ZNF536: variants seen among roughly 807,000 people sequenced by gnomAD.
The protein encoded by ZNF536 is zinc finger protein 536.
Under a neutral mutation model 84.5 loss-of-function variants are expected in ZNF536, and 13 were observed. The ratio of observed to expected loss-of-function variants is 0.15; its 90% CI spans 0.10 to 0.24. The LOEUF (loss-of-function observed/expected upper bound fraction) is 0.24. Ranked by LOEUF, ZNF536 falls within the 10% of genes least tolerant of loss-of-function variation. The pLI is 1.00. For synonymous variants in ZNF536, 811 were observed against 742.5 expected, an observed-to-expected ratio of 1.09 and a Z score of -1.50; for missense variants, 1,536 against 1,747.5, an observed-to-expected ratio of 0.88 and a Z score of 2.16.
intron 1 of ZNF536, among the ~76,000 whole-genome samples, chr19:30,606,262 AAAATAAAATAAAATAAAATAAAATAAAAT>A (rs1157757238): frequency 0.028 from 424 of 14,930 alleles, 10 homozygotes; most frequent in Middle Eastern, 0.065. Flanking sequence ...TAAATAAAAT[AAAATAAAATAAAATAAAATAAAATAAAAT>A]AAATAAAATA....
At chr19:30,461,774 G>A (rs1175763212) in intron 2 of ZNF536, among the ~76,000 whole-genome samples, 1 of 152,200 alleles carries the variant, frequency 6.6e-6, no homozygotes. Context: ...CTTCATGAGT[G>A]TCCTTTACAT....
At chr19:30,371,228 G>A (rs528521113), upstream of ZNF536, among the ~76,000 whole-genome samples, 3 of 152,224 alleles carry the variant, frequency 2.0e-5, no homozygotes, top group African/African-American at 7.2e-5. Context: ...AAATATTAAC[G>A]CTGTATTGGG....
intron 1 of ZNF536, among the ~76,000 whole-genome samples, chr19:30,424,008 C>T (rs984902020): frequency 4.6e-5 from 7 of 152,070 alleles, no homozygotes; most frequent in Admixed American, 1.3e-4. Context: ...CCTACAGTCC[C>T]GGGTGCTTTG....
At chr19:30,488,084 A>G (rs1385510731) in intron 2 of ZNF536, among the ~76,000 whole-genome samples, 1 of 152,120 alleles carries the variant, frequency 6.6e-6, no homozygotes, top group Non-Finnish European at 1.5e-5. Context: ...GGTACCACTT[A>G]TCTGTCTGCT....
chr19:30,570,266 C>T (rs527567436), intron 1 of ZNF536, among the ~76,000 whole-genome samples: 2 of 152,170 alleles, frequency 1.3e-5, no homozygotes, highest in Non-Finnish European at 2.9e-5. Flanking sequence ...CATCCTGTCA[C>T]CTTCAGACCT....
At chr19:30,460,371 G>A (rs3786814) in intron 2 of ZNF536, among the ~76,000 whole-genome samples, 17,923 of 152,138 alleles carry the variant, frequency 0.12, 1,359 homozygotes, top group South Asian at 0.18. Flanking sequence ...AAATGTCACC[G>A]CTCCGAGGTT....
intron 2 of ZNF536, among the ~76,000 whole-genome samples, chr19:30,337,609 T>G (rs897806649): frequency 6.6e-6 from 1 of 152,034 alleles, no homozygotes; most frequent in Non-Finnish European, 1.5e-5. Flanking sequence ...TCACAGCCCA[T>G]GGTGGGTCCC....
At chr19:30,454,364 G>A (rs560202372) in intron 2 of ZNF536, among the ~76,000 whole-genome samples, 77 of 152,302 alleles carry the variant, frequency 5.1e-4, no homozygotes, top group African/African-American at 1.4e-3. Flanking sequence ...GGTGGTCATC[G>A]TGGCTTTTGG....
chr19:30,591,791 A>G (rs1323806354), intron 1 of ZNF536, among the ~76,000 whole-genome samples: 2 of 152,176 alleles, frequency 1.3e-5, no homozygotes, highest in African/African-American at 2.4e-5. Context: ...GACAAGAGAA[A>G]CACATCCCTT....
At chr19:30,640,699 T>C (rs2049238534) in intron 1 of ZNF536, among the ~76,000 whole-genome samples, 1 of 152,246 alleles carries the variant, frequency 6.6e-6, no homozygotes, top group Non-Finnish European at 1.5e-5. Context: ...AGGCACTCCA[T>C]ATCCTATATG....
intron 1 of ZNF536, among the ~76,000 whole-genome samples, chr19:30,433,787 A>G (rs2051588755): frequency 6.6e-6 from 1 of 152,066 alleles, no homozygotes; most frequent in Non-Finnish European, 1.5e-5. Flanking sequence ...GTGAGCCACC[A>G]TGCCTGGCCA....
Position 30,548,327 on chromosome 19 carries a change from C to T in ZNF536, c.2708C>T (p.Ala903Val), listed in dbSNP as rs1388748168. The change falls in exon 4 of 5, where the codon GCT becomes GTT. Residue 903 changes from alanine (A) to valine (V), a missense_variant. This residue lies in a region of ZNF536 where 624 missense variants were observed against 603.1 expected (regional missense o/e 1.03). Transcript: ENST00000355537. ...KSTHFSEIGRAYQSIVSNGVN... is the reference protein window; with the variant it reads ...KSTHFSEIGRVYQSIVSNGVN... ...ACCCACTTCTCTGAGATCGGAAGAG[C>T]TTATCAAAGCATTGTGAGCAACGGT... 6.2e-7 allele frequency: 1 copy of T among 1,614,090 alleles called. No individual in the cohort carries two copies. The highest frequency in any genetic ancestry group is 8.5e-7 in the Non-Finnish European group (1 of 1,180,046).
chr19:30,617,184 G>A (rs1378853957), intron 1 of ZNF536, among the ~76,000 whole-genome samples: 1 of 150,160 alleles, frequency 6.7e-6, no homozygotes. Flanking sequence ...TTGGTTACAT[G>A]GGTAAGTTCT....
At chr19:30,522,058 C>T (rs937206010) in intron 2 of ZNF536, among the ~76,000 whole-genome samples, 1 of 151,454 alleles carries the variant, frequency 6.6e-6, no homozygotes. Context: ...GAGGGCCATT[C>T]GCAGGGCACC....
chr19:30,304,708 C>T (rs1283727684), intron 2 of ZNF536, among the ~76,000 whole-genome samples: 2 of 152,118 alleles, frequency 1.3e-5, no homozygotes, highest in Non-Finnish European at 2.9e-5. Context: ...AGGAGGAAAG[C>T]GGTGAGGGGA....
chr19:30,402,822 T>TATATATATAA (rs1331644147), intron 1 of ZNF536, among the ~76,000 whole-genome samples: 1 of 142,554 alleles, frequency 7.0e-6, no homozygotes, highest in Non-Finnish European at 1.6e-5. Context: ...TATATATATA[T>TATATATATAA]AATTTTCAAA....
intron 1 of ZNF536, among the ~76,000 whole-genome samples, chr19:30,696,620 G>T (rs1185042343): frequency 1.3e-5 from 2 of 152,186 alleles, no homozygotes; most frequent in Non-Finnish European, 2.9e-5. Context: ...GAGGAGCCTG[G>T]GTAAGCAAAT....
chr19:30,225,738 G>A (rs1469087885), upstream of ZNF536, among the ~76,000 whole-genome samples: 1 of 142,730 alleles, frequency 7.0e-6, no homozygotes, highest in East Asian at 2.2e-4. Flanking sequence ...GGCGCGGGGG[G>A]GCGGCGGCGG....
intron 4 of ZNF536, 163 bp from the exon 5 acceptor site, chr19:30,556,994 A>C: frequency 1.4e-6 from 1 of 708,142 alleles, no homozygotes; most frequent in Non-Finnish European, 2.4e-6. Flanking sequence ...CATGTTGACT[A>C]TTCTTGCTTT....
Sources: allele counts gnomAD v4.1 joint callset (sites outside exome capture counted in the v4.1 genomes callset), GRCh38; gene constraint gnomAD v4.1.1; regional missense constraint gnomAD v4.1.1; transcripts MANE v1.5; gene names NCBI Gene and HGNC (gene_info 2026-07-23, HGNC 2026-07-21).